HOMER2: variants seen among roughly 807,000 people sequenced by gnomAD.
HOMER2 encodes homer protein homolog 2.
Under a neutral mutation model 47.0 loss-of-function variants are expected in HOMER2, and 27 were observed. The ratio of observed to expected loss-of-function variants is 0.57; its 90% CI spans 0.42 to 0.79. The LOEUF is 0.79. HOMER2 is among the 30% of genes least tolerant of loss of function. The probability of loss-of-function intolerance (pLI) is 0.00; values close to 1 mark genes in which losing one functional copy is unlikely to be tolerated. For missense variants in HOMER2, 443 were observed against 435.0 expected (o/e 1.02, Z -0.16); for synonymous variants, 161 against 163.8 (o/e 0.98, Z 0.13).
chr15:82,868,541 A>ATATATATATATATATATATATATTT, intron 3 of HOMER2, among the ~76,000 whole-genome samples: 7 of 71,268 alleles, frequency 9.8e-5, no homozygotes, highest in African/African-American at 3.0e-4. Flanking sequence ...ATATATATAT[A>ATATATATATATATATATATATATTT]TTTTTTTTTT....
chr15:82,948,480 T>C lies in HOMER2; in HGVS notation c.5+4051A>G, dbSNP rs533696088. Among the ~76,000 whole-genome samples the C allele has an allele frequency of 5.0e-4, 76 of 151,750 alleles. 1 individual carries two copies. The highest frequency in any genetic ancestry group is 1.8e-3 in the African/African-American group (76 of 41,318). ...CAGGAAGCTGAGGCATGAGAATCGCTTGAACCTGGGAGGCAGAGGTTGCAG... is the reference window on the plus strand; with the variant it reads ...CAGGAAGCTGAGGCATGAGAATCGCCTGAACCTGGGAGGCAGAGGTTGCAG... On this transcript the variant is annotated intron_variant, in intron 1 of 8. Coordinates refer to ENST00000450735, the MANE Select transcript of HOMER2 (RefSeq NM_004839.4).
At chr15:82,925,556 C>G (rs894171135) in intron 1 of HOMER2, among the ~76,000 whole-genome samples, 14 of 152,188 alleles carry the variant, frequency 9.2e-5, no homozygotes, top group African/African-American at 3.4e-4. Context: ...TCTCAAGCTC[C>G]TTGTCCACAT....
chr15:82,854,176 G>T (rs1457406922), intron 6 of HOMER2, among the ~76,000 whole-genome samples: 1 of 152,170 alleles, frequency 6.6e-6, no homozygotes, highest in African/African-American at 2.4e-5. Flanking sequence ...AGGCTGAGGC[G>T]GGTGTATCAC....
At chr15:82,943,042 C>T (rs1423864884) in intron 1 of HOMER2, among the ~76,000 whole-genome samples, 1 of 152,160 alleles carries the variant, frequency 6.6e-6, no homozygotes, top group Non-Finnish European at 1.5e-5. Context: ...CATCCCCAAC[C>T]ACCTAACTCC....
intron 1 of HOMER2, among the ~76,000 whole-genome samples, chr15:82,907,368 A>G (rs2053316475): frequency 1.3e-5 from 2 of 151,446 alleles, no homozygotes; most frequent in South Asian, 4.2e-4. Flanking sequence ...AAGAAAAGAA[A>G]AGAGAAGAGA....
chr15:82,909,357 C>A (rs2053387020), intron 1 of HOMER2, among the ~76,000 whole-genome samples: 1 of 152,160 alleles, frequency 6.6e-6, no homozygotes, highest in African/African-American at 2.4e-5. Flanking sequence ...GCAGTTAGTC[C>A]CTACTGCTGT....
chr15:82,863,901 AAC>A (rs1256002236), intron 4 of HOMER2, among the ~76,000 whole-genome samples: 1 of 152,228 alleles, frequency 6.6e-6, no homozygotes. Flanking sequence ...CTGGCATTTA[AAC>A]ACAGTGACCA....
chr15:82,972,308 C>A (rs2030020700), intron 1 of HOMER2, among the ~76,000 whole-genome samples: 1 of 152,168 alleles, frequency 6.6e-6, no homozygotes, highest in African/African-American at 2.4e-5. Context: ...GCACCTCTAC[C>A]TGAAGGTGGG....
At chr15:82,872,852 C>G (rs909588528) in intron 3 of HOMER2, among the ~76,000 whole-genome samples, 1 of 152,154 alleles carries the variant, frequency 6.6e-6, no homozygotes, top group Non-Finnish European at 1.5e-5. Context: ...GAGGAGGAAC[C>G]GGGAAGAAAC....
At chr15:82,858,231 G>C (rs891489038) in intron 5 of HOMER2, among the ~76,000 whole-genome samples, 1 of 151,908 alleles carries the variant, frequency 6.6e-6, no homozygotes, top group East Asian at 1.9e-4. Flanking sequence ...AGTTTTGTGT[G>C]ATTTCATATT....
At chr15:82,927,101 T>C (rs1179022512) in intron 1 of HOMER2, among the ~76,000 whole-genome samples, 1 of 152,164 alleles carries the variant, frequency 6.6e-6, no homozygotes, top group East Asian at 1.9e-4. Context: ...TTTCAACATA[T>C]GAATCCGTGG....
chr15:82,950,542 C>T (rs978372351), intron 1 of HOMER2, among the ~76,000 whole-genome samples: 2 of 152,168 alleles, frequency 1.3e-5, no homozygotes, highest in Non-Finnish European at 2.9e-5. Context: ...ACGGCTCCCT[C>T]CACCCTCCTG....
intron 3 of HOMER2, among the ~76,000 whole-genome samples, chr15:82,869,146 G>A (rs1596313461): frequency 6.6e-6 from 1 of 152,182 alleles, no homozygotes; most frequent in African/African-American, 2.4e-5. Flanking sequence ...CCACAGGGCT[G>A]TAACACTGCC....
Position 82,875,332 on chromosome 15 carries a change from C to A in HOMER2, c.235G>T (p.Asp79Tyr). 6.2e-7 allele frequency: 1 copy of A among 1,613,974 alleles called. No homozygotes were observed. The highest frequency in any genetic ancestry group is 8.5e-7 in the Non-Finnish European group (1 of 1,179,882). ...CCAAACACTGTGTTGGCTCTGCTGT[C>A]GGCCCACTGCCCAAACTTCTGTGAC... ...KTSQKFGQWADSRANTVFGLG... is the reference protein window; with the variant it reads ...KTSQKFGQWAYSRANTVFGLG... The change falls in exon 3 of 9, where the codon GAC becomes TAC. Residue 79 changes from aspartate (D) to tyrosine (Y), a missense_variant. Asp to Tyr is a radical substitution (Grantham distance 160). Transcript: ENST00000450735.
chr15:82,835,416 A>G (rs1026416679), downstream of HOMER2: 1 of 152,340 alleles, frequency 6.6e-6, no homozygotes, highest in African/African-American at 2.4e-5. Flanking sequence ...GAGCCACCAC[A>G]CCTGGCCTTC....
At chr15:82,880,525 C>T (rs2052489273) in intron 2 of HOMER2, among the ~76,000 whole-genome samples, 1 of 152,166 alleles carries the variant, frequency 6.6e-6, no homozygotes, top group Non-Finnish European at 1.5e-5. Context: ...TATTATTAGA[C>T]ATTGAATGGT....
chr15:82,839,046 G>A (rs2051152246), exon 2 of HOMER2: 2 of 151,930 alleles, frequency 1.3e-5, no homozygotes, highest in Non-Finnish European at 2.9e-5. Flanking sequence ...GATCATTTGA[G>A]CCCAGGAGTC....
intron 1 of HOMER2, among the ~76,000 whole-genome samples, chr15:82,907,671 G>A (rs1365931401): frequency 6.6e-6 from 1 of 152,144 alleles, no homozygotes; most frequent in Non-Finnish European, 1.5e-5. Context: ...AAGAAGAGTA[G>A]ATTGCATGTT....
intron 1 of HOMER2, among the ~76,000 whole-genome samples, chr15:82,970,748 A>G (rs1450392713): frequency 6.6e-6 from 1 of 152,230 alleles, no homozygotes; most frequent in Admixed American, 6.5e-5. Context: ...CAGCTGTGTA[A>G]GAAAAAAAAT....
Sources: allele counts gnomAD v4.1 joint callset (sites outside exome capture counted in the v4.1 genomes callset), GRCh38; gene constraint gnomAD v4.1.1; transcripts MANE v1.5; gene names NCBI Gene and HGNC (gene_info 2026-07-23, HGNC 2026-07-21).